SLC30A5: variants seen among roughly 807,000 people sequenced by gnomAD.
The protein encoded by SLC30A5 is solute carrier family 30 member 5, also known as proton-coupled zinc antiporter SLC30A5.
SLC30A5 carries 33 observed loss-of-function variants against 79.6 expected under a neutral mutation model. The ratio of observed to expected loss-of-function variants is 0.41; its 90% CI spans 0.31 to 0.55. The LOEUF is 0.55. Among genes scored for constraint, SLC30A5 ranks in the 20% least tolerant of loss-of-function variants. The pLI is 0.20. For missense variants in SLC30A5, 788 were observed against 928.1 expected (o/e 0.85, Z 1.96); for synonymous variants, 299 against 319.7 (o/e 0.94, Z 0.69).
intron 7 of SLC30A5, 106 bp from the exon 8 acceptor site, chr5:69,115,131 T>TG (rs1746328664): frequency 1.9e-5 from 14 of 731,168 alleles, no homozygotes; most frequent in Admixed American, 6.0e-5. Context: ...ACCCTGTCTC[T>TG]GGGGAAAAAA....
chr5:69,094,290 G>A lies in SLC30A5; in HGVS notation c.35G>A (p.Gly12Asp). Residue 12 changes from glycine to aspartate, a missense_variant, in exon 1 of 16, where the codon GGC becomes GAC. By Grantham distance (94) the Gly-to-Asp change is moderately conservative. This residue lies in a region of SLC30A5 where 626 missense variants were observed against 755.5 expected (regional missense o/e 0.83). Transcript: ENST00000396591. ...AAATACGGCGGGGACGTGCTGGCCG[G>A]CCCCGGCGGCGGCGGCGGCCTTGGG... is the stretch of plus-strand genomic sequence containing the variant. The part of the protein sequence containing the change: ...EEKYGGDVLA[G>D]PGGGGGLGPV... The A allele has an allele frequency of 1.6e-6, 2 of 1,261,958 alleles. No homozygotes were observed. The highest frequency in any genetic ancestry group is 2.0e-6 in the Non-Finnish European group (2 of 997,448). The allele number at this position is 1,261,958 out of a possible 1,614,324, so 78.2% of individuals were successfully genotyped here. A position where few individuals can be genotyped will look rare whatever the true frequency, so the allele number is the denominator to read the frequency against.
At chr5:69,100,737 A>C (rs1444334006) in intron 1 of SLC30A5, 70 bp from the exon 2 acceptor site, 11 of 1,395,036 alleles carry the variant, frequency 7.9e-6, no homozygotes, top group Non-Finnish European at 1.1e-5. Flanking sequence ...CCTCTTGTTT[A>C]AAAAACCAGA....
At chr5:69,108,597 G>A (rs930032975) in intron 5 of SLC30A5, among the ~76,000 whole-genome samples, 161 bp downstream of exon 5, 1 of 152,094 alleles carries the variant, frequency 6.6e-6, no homozygotes, top group African/African-American at 2.4e-5. Context: ...TGAGGTGGGC[G>A]GATTACATGA....
At chr5:69,122,341 C>T (rs565796927) in intron 13 of SLC30A5, among the ~76,000 whole-genome samples, 28 of 152,126 alleles carry the variant, frequency 1.8e-4, no homozygotes, top group African/African-American at 6.5e-4. Context: ...CATGCCTGGC[C>T]GTCACAGAAA....
chr5:69,116,719 A>C lies in SLC30A5; in HGVS notation c.1281+117A>C. The C allele has an allele frequency of 1.5e-6, 1 of 653,466 alleles. No individual in the cohort carries two copies. The highest frequency in any genetic ancestry group is 3.7e-5 in the Admixed American group (1 of 27,078). The allele number at this position is 653,466 out of a possible 1,614,324, so 40.5% of individuals were successfully genotyped here. A position where few individuals can be genotyped will look rare whatever the true frequency, so the allele number is the denominator to read the frequency against. On this transcript the variant is annotated intron_variant, in intron 10 of 15. Transcript: ENST00000396591. This position sits in a 1 kb window ranked among gnomAD's most constrained non-coding sequence, Gnocchi z 4.0. ...TGATAATAAGATGAGCTAAAATTTAAATTTTTTCTAAGTATAATAGCAAGA... is the reference window on the plus strand; with the variant it reads ...TGATAATAAGATGAGCTAAAATTTACATTTTTTCTAAGTATAATAGCAAGA...
intron 11 of SLC30A5, among the ~76,000 whole-genome samples, chr5:69,118,051 C>T (rs1374272800): frequency 6.6e-6 from 1 of 150,618 alleles, no homozygotes; most frequent in Non-Finnish European, 1.5e-5. Flanking sequence ...GTGGCAGGCA[C>T]CTGTAGTCCC....
At position 69,129,831 on chromosome 5, in the gene SLC30A5, G is replaced by T. The variant is rs1380914722; in HGVS notation, c.*214G>T. 2.6e-6 allele frequency: 1 copy of T among 386,784 alleles called. No individual in the cohort carries two copies. Among genetic ancestry groups the T allele is most frequent in the African/African-American group, 2.1e-5 (1 of 48,470 alleles). 24.0% of individuals were successfully genotyped at this position (386,784 alleles called of 1,614,324 possible). Reference sequence around the variant, plus strand: ...ATTATTTAAATTATGTGTATAAAAGGAATCAAATTTTGAGTAAACATGATG... The same window carrying T: ...ATTATTTAAATTATGTGTATAAAAGTAATCAAATTTTGAGTAAACATGATG... On this transcript the variant is annotated 3_prime_UTR_variant, in exon 16 of 16. Coordinates refer to ENST00000396591, the MANE Select transcript of SLC30A5 (RefSeq NM_022902.5).
chr5:69,124,112 CA>C lies in SLC30A5; in HGVS notation c.1998+705del, dbSNP rs1235473113. Among the ~76,000 whole-genome samples the C allele has an allele frequency of 4.5e-3, 426 of 94,654 alleles. 1 individual carries two copies. The highest frequency in any genetic ancestry group is 0.016 in the African/African-American group (380 of 23,562). 62.1% of individuals were successfully genotyped at this position (94,654 alleles called of 152,430 possible). Reference sequence around the variant, plus strand: ...TGGGTGACAGAGCGAGACTCCACCTCAAAAAAAAAAAAAAAAAACCTAACAG... The same window carrying C: ...TGGGTGACAGAGCGAGACTCCACCTCAAAAAAAAAAAAAAAAACCTAACAG... On this transcript the variant is annotated intron_variant, in intron 14 of 15. Coordinates refer to ENST00000396591, the MANE Select transcript of SLC30A5 (RefSeq NM_022902.5).
Position 69,094,048 on chromosome 5 carries a change from C to T in SLC30A5, c.-208C>T, listed in dbSNP as rs1249222537. The T allele has an allele frequency of 1.0e-5, 4 of 394,358 alleles. No individual in the cohort carries two copies. The highest frequency in any genetic ancestry group is 4.1e-5 in the African/African-American group (2 of 48,376). The allele number at this position is 394,358 out of a possible 1,614,324, so 24.4% of individuals were successfully genotyped here. A position where few individuals can be genotyped will look rare whatever the true frequency, so the allele number is the denominator to read the frequency against. On this transcript the variant is annotated 5_prime_UTR_variant, in exon 1 of 16. Coordinates refer to ENST00000396591, the MANE Select transcript of SLC30A5 (RefSeq NM_022902.5). ...GCCGCTGCTTCCCGGGAACCTGGCG[C>T]CGCCGGAACTGATCGCGGCCTAGTC...
Position 69,115,536 on chromosome 5 carries a change from CT to C in SLC30A5, c.783+134del, listed in dbSNP as rs549591734. ...TTGAAAGTGGCTTAAATTGTCTTTG[CT>C]TTTTCTTTGTAGTTTTTTAAAAAAA... On this transcript the variant is annotated intron_variant, in intron 8 of 15. Transcript: ENST00000396591. The C allele has an allele frequency of 7.8e-4, 588 of 752,274 alleles. 3 individuals carry two copies. The Middle Eastern group carries it at 0.013, about 17-fold the overall frequency. The allele number at this position is 752,274 out of a possible 1,614,324, so 46.6% of individuals were successfully genotyped here. A position where few individuals can be genotyped will look rare whatever the true frequency, so the allele number is the denominator to read the frequency against.
At chr5:69,103,630 A>G (rs540353554) in intron 3 of SLC30A5, among the ~76,000 whole-genome samples, 4 of 152,228 alleles carry the variant, frequency 2.6e-5, no homozygotes, top group Non-Finnish European at 4.4e-5. Flanking sequence ...TGTGAGGAAA[A>G]ATGAATTAAT....
At position 69,108,377 on chromosome 5, in the gene SLC30A5, ATTG is replaced by A; in HGVS notation, c.393_395del (p.Val132del). On this transcript the variant is annotated inframe_deletion, in exon 5 of 16. Coordinates refer to ENST00000396591, the MANE Select transcript of SLC30A5 (RefSeq NM_022902.5). ...TTTGCTGCTATTTGAGCACAGTGAT[ATTG>A]TTGTCATTTCACTACTCAGTGTTTT... The A allele has an allele frequency of 6.2e-7, 1 of 1,613,692 alleles. No individual in the cohort carries two copies. Among genetic ancestry groups the A allele is most frequent in the South Asian group, 1.1e-5 (1 of 91,072 alleles).
At chr5:69,108,692 G>A (rs533126172) in intron 5 of SLC30A5, among the ~76,000 whole-genome samples, 48 of 151,880 alleles carry the variant, frequency 3.2e-4, no homozygotes, top group African/African-American at 1.1e-3. Context: ...CATGGTGGTG[G>A]GCACCTGTAA....
rs777380480 is a variant in SLC30A5 at position 69,114,482 on chromosome 5, G to A, written c.598G>A (p.Val200Met). The A allele has an allele frequency of 4.4e-6, 7 of 1,596,304 alleles. No individual in the cohort carries two copies. The Admixed American group carries it at 1.0e-4, about 23-fold the overall frequency. Reference sequence around the variant, plus strand: ...TTACACAGCCATTGCCTTCTTAGGTGTGGCAGATCACAAGGTATGATTTCT... The same window carrying A: ...TTACACAGCCATTGCCTTCTTAGGTATGGCAGATCACAAGGTATGATTTCT... ...MLYTAIAFLG[V>M]ADHKGGVLLL... The change falls in exon 7 of 16, where the codon GTG becomes ATG. Residue 200 changes from valine (V) to methionine (M), a missense_variant. Val to Met is a conservative substitution (Grantham distance 21). Coordinates refer to ENST00000396591, the MANE Select transcript of SLC30A5 (RefSeq NM_022902.5).
chr5:69,114,883 A>G (rs917433127), intron 7 of SLC30A5, among the ~76,000 whole-genome samples: 4 of 152,260 alleles, frequency 2.6e-5, no homozygotes, highest in Middle Eastern at 6.8e-3. Flanking sequence ...ATAAAATAAA[A>G]TAATTATCAG....
At chr5:69,104,544 A>G (rs1379919408) in intron 3 of SLC30A5, 87 bp from the exon 4 acceptor site, 1 of 1,425,618 alleles carries the variant, frequency 7.0e-7, no homozygotes, top group Admixed American at 2.8e-5. Context: ...ATTTGTTATT[A>G]TTATCTTTCT....
chr5:69,104,322 G>C, intron 3 of SLC30A5: 1 of 518,756 alleles, frequency 1.9e-6, no homozygotes, highest in Non-Finnish European at 2.9e-6. Context: ...ATTTTTAGTA[G>C]AGACGGGGCT....
chr5:69,114,821 C>T (rs1366632188), intron 7 of SLC30A5, among the ~76,000 whole-genome samples: 3 of 152,010 alleles, frequency 2.0e-5, no homozygotes, highest in African/African-American at 7.3e-5. Flanking sequence ...GCCAAGGTCG[C>T]GCTATTGCAC....
chr5:69,096,380 TAA>T (rs1247360486), intron 1 of SLC30A5, among the ~76,000 whole-genome samples: 2 of 152,232 alleles, frequency 1.3e-5, no homozygotes, highest in African/African-American at 4.8e-5. Flanking sequence ...TTCAAGAGTG[TAA>T]AGAGTGTATT....
Sources: gnomAD v4.1 joint callset for allele counts (sites outside exome capture counted in the v4.1 genomes callset) on GRCh38, gnomAD v4.1.1 for gene constraint, gnomAD v4.1.1 regional missense constraint, Gnocchi (gnomAD v3.1) non-coding constraint, MANE v1.5 for transcripts, NCBI Gene and HGNC (gene_info 2026-07-23, HGNC 2026-07-21) for gene names.